BCAS3: variants seen among roughly 807,000 people sequenced by gnomAD.
The protein encoded by BCAS3 is BCAS4/BCAS3 fusion.
BCAS3 carries 53 observed loss-of-function variants against 116.1 expected under a neutral mutation model. The observed-to-expected ratio is 0.46, with a 90% CI of 0.37 to 0.57. The LOEUF is 0.57. Among genes scored for constraint, BCAS3 ranks in the 20% least tolerant of loss-of-function variants. The pLI is 0.00. For synonymous variants in BCAS3, 391 were observed against 408.2 expected, an observed-to-expected ratio of 0.96 and a Z score of 0.51; for missense variants, 917 against 1,165.4, an observed-to-expected ratio of 0.79 and a Z score of 3.10.
intron 7 of BCAS3, chr17:60,811,080 C>A: frequency 1.6e-6 from 1 of 632,436 alleles, no homozygotes; most frequent in South Asian, 1.5e-5. Flanking sequence ...CAGTCCAGTT[C>A]TTGGATATTG....
At chr17:60,844,865 A>G (rs1405027574) in intron 7 of BCAS3, among the ~76,000 whole-genome samples, 1 of 152,214 alleles carries the variant, frequency 6.6e-6, no homozygotes, top group Non-Finnish European at 1.5e-5. Flanking sequence ...ATGAGTAAAA[A>G]AGTTAATAAA....
chr17:61,240,301 T>A (rs1195985865), intron 22 of BCAS3, among the ~76,000 whole-genome samples: 1 of 152,204 alleles, frequency 6.6e-6, no homozygotes, highest in Non-Finnish European at 1.5e-5. Flanking sequence ...GGCTTTGAAC[T>A]CAGGTTTCTC....
rs1366691947 is a variant in BCAS3 at position 61,140,258 on chromosome 17, C to G, written c.2425+55694C>G. On this transcript the variant is annotated intron_variant, in intron 22 of 23. Coordinates refer to ENST00000407086, the MANE Select transcript of BCAS3 (RefSeq NM_017679.5). The surrounding 1 kb of genome is among the most constrained non-coding windows in gnomAD (Gnocchi z 4.2). ...TCTCAAAAAAAAGGAACAGAGTCAC[C>G]AAGACATACACATACTGGACCAATT... Among the ~76,000 whole-genome samples the G allele has an allele frequency of 6.6e-6, 1 of 152,010 alleles. No homozygotes were observed. Among genetic ancestry groups the G allele is most frequent in the African/African-American group, 2.4e-5 (1 of 41,390 alleles).
At chr17:60,755,670 C>T (rs1396923376) in intron 6 of BCAS3, among the ~76,000 whole-genome samples, 1 of 152,038 alleles carries the variant, frequency 6.6e-6, no homozygotes, top group Admixed American at 6.6e-5. Flanking sequence ...TGAGCATTTT[C>T]CTGATATTAG....
chr17:60,843,285 C>T (rs1327602436), intron 7 of BCAS3, among the ~76,000 whole-genome samples: 3 of 150,846 alleles, frequency 2.0e-5, no homozygotes. Context: ...GGCACGATCT[C>T]GGCTCCCTGC....
chr17:61,368,263 A>G lies in BCAS3; in HGVS notation c.2426-64A>G, dbSNP rs2058846807. On this transcript the variant is annotated intron_variant, in intron 22 of 23. Coordinates refer to ENST00000407086, the MANE Select transcript of BCAS3 (RefSeq NM_017679.5). This position sits in a 1 kb window ranked among gnomAD's most constrained non-coding sequence, Gnocchi z 6.0. ...GTATGGAGAGGAGCGGGTGGGAGGT[A>G]GACAAGAATGGCCTGCTCCCTGAAG... The G allele has an allele frequency of 6.7e-7, 1 of 1,503,490 alleles. No homozygotes were observed. Among genetic ancestry groups the G allele is most frequent in the East Asian group, 2.3e-5 (1 of 43,612 alleles). 93.1% of individuals were successfully genotyped at this position (1,503,490 alleles called of 1,614,324 possible).
intron 3 of BCAS3, among the ~76,000 whole-genome samples, chr17:60,686,840 A>T (rs2034130395): frequency 6.6e-6 from 1 of 152,186 alleles, no homozygotes; most frequent in South Asian, 2.1e-4. Flanking sequence ...ATTTATTTTA[A>T]AAAATAATTC....
At chr17:60,872,699 CTATG>C (rs1295266621) in intron 8 of BCAS3, among the ~76,000 whole-genome samples, 1 of 147,490 alleles carries the variant, frequency 6.8e-6, no homozygotes, top group Non-Finnish European at 1.5e-5. Flanking sequence ...CCATATATAT[CTATG>C]TATGTATATA....
At chr17:61,318,111 G>A (rs567990224) in intron 22 of BCAS3, among the ~76,000 whole-genome samples, 99 of 152,176 alleles carry the variant, frequency 6.5e-4, no homozygotes, top group Non-Finnish European at 1.3e-3. Flanking sequence ...GCCGCTCCTC[G>A]GCTCCTCCCC....
In BCAS3 at chr17:61,285,258, T is replaced by TGTGTGTGTGTGTGTGTG. The variant is rs766590925; in HGVS notation, c.2426-83069_2426-83068insGTGTGTGTGTGTGTGTG. ...GTGTGTGTGTGTGTGTGTGTGTGTG[T>TGTGTGTGTGTGTGTGTG]TTCTTGCTAAAATGCAGCAAAGGAA... On this transcript the variant is annotated intron_variant, in intron 22 of 23. Transcript: ENST00000407086. This position sits in a 1 kb window ranked among gnomAD's most constrained non-coding sequence, Gnocchi z 5.4. 4.6e-5 allele frequency among the ~76,000 whole-genome samples: 7 copies of TGTGTGTGTGTGTGTGTG among 151,936 alleles called. No homozygotes were observed. The highest frequency in any genetic ancestry group is 9.7e-5 in the African/African-American group (4 of 41,270).
rs763068707 is a variant in BCAS3, at chr17:61,087,843, T to C, written c.2425+3279T>C. 7.9e-5 allele frequency among the ~76,000 whole-genome samples: 12 copies of C among 152,174 alleles called. No homozygotes were observed. Among genetic ancestry groups the C allele is most frequent in the Non-Finnish European group, 1.8e-4 (12 of 68,024 alleles). ...GTTCTATAACTGCTTGATGAGTAGA[T>C]GTTATTCCCATAACATCTGTCTCAT... On this transcript the variant is annotated intron_variant, in intron 22 of 23. Coordinates refer to ENST00000407086, the MANE Select transcript of BCAS3 (RefSeq NM_017679.5). This position sits in a 1 kb window ranked among gnomAD's most constrained non-coding sequence, Gnocchi z 4.6.
At chr17:60,867,862 C>A (rs1229287359) in intron 7 of BCAS3, among the ~76,000 whole-genome samples, 2 of 151,968 alleles carry the variant, frequency 1.3e-5, no homozygotes, top group African/African-American at 4.8e-5. Flanking sequence ...TAGGGTCAGA[C>A]CTTTTCATAT....
intron 5 of BCAS3, among the ~76,000 whole-genome samples, chr17:60,746,546 T>C (rs937620735): frequency 6.6e-6 from 1 of 152,170 alleles, no homozygotes; most frequent in African/African-American, 2.4e-5. Flanking sequence ...ATGTGTATAT[T>C]TATGTGTATA....
rs540283950 is a variant in BCAS3 at position 60,827,787 on chromosome 17, C to T, written c.476+19711C>T. On this transcript the variant is annotated intron_variant, in intron 7 of 23. Coordinates refer to ENST00000407086, the MANE Select transcript of BCAS3 (RefSeq NM_017679.5). ...CGTGTTTCTATGTAATAAGTCTTCC[C>T]GAGTAGCAGTGCCATCTTCACTTTG... Among the ~76,000 whole-genome samples, 13 of 152,132 alleles carry T rather than the reference C, an allele frequency of 8.5e-5. No individual in the cohort carries two copies. The East Asian group carries it at 1.2e-3, about 14-fold the overall frequency.
chr17:60,914,978 A>G (rs2058704750), intron 12 of BCAS3, among the ~76,000 whole-genome samples: 1 of 152,180 alleles, frequency 6.6e-6, no homozygotes, highest in Non-Finnish European at 1.5e-5. Context: ...TTCAGAGGTC[A>G]ACTATACATG....
chr17:60,910,719 G>A lies in BCAS3; in HGVS notation c.993+17G>A. 6.3e-7 allele frequency: 1 copy of A among 1,593,284 alleles called. No homozygotes were observed. The highest frequency in any genetic ancestry group is 8.5e-7 in the Non-Finnish European group (1 of 1,169,620). On this transcript the variant is annotated intron_variant, in intron 12 of 23. Coordinates refer to ENST00000407086, the MANE Select transcript of BCAS3 (RefSeq NM_017679.5). The stretch of plus-strand genomic sequence containing the variant: ...GAGGGCCAGGTAAGAAGAACTTTTG[G>A]TGCGTACCATGTGTGTTACTTGCAA...
intron 22 of BCAS3, among the ~76,000 whole-genome samples, chr17:61,338,412 T>G (rs2056887587): frequency 6.6e-6 from 1 of 152,092 alleles, no homozygotes; most frequent in African/African-American, 2.4e-5. Context: ...TTTTTTTTTC[T>G]TATATAAAAG....
At position 61,137,724 on chromosome 17, in the gene BCAS3, A is replaced by C. The variant is rs543362994; in HGVS notation, c.2425+53160A>C. Among the ~76,000 whole-genome samples, 246 of 152,358 alleles carry C rather than the reference A, an allele frequency of 1.6e-3. 1 individual carries two copies. Among genetic ancestry groups the C allele is most frequent in the Non-Finnish European group, 3.0e-3 (206 of 68,024 alleles). ...GCAGAGATTGCAGAGCCAAGATTGC[A>C]CCAGTGCATTCCAGCCTGGGTGACA... is the stretch of plus-strand genomic sequence containing the variant. On this transcript the variant is annotated intron_variant, in intron 22 of 23. Transcript: ENST00000407086.
intron 22 of BCAS3, among the ~76,000 whole-genome samples, chr17:61,142,443 G>T (rs1027717469): frequency 6.6e-6 from 1 of 152,178 alleles, no homozygotes; most frequent in Non-Finnish European, 1.5e-5. Flanking sequence ...GTACATGGAA[G>T]CCATCAGCCC....
Sources: allele counts gnomAD v4.1 joint callset (sites outside exome capture counted in the v4.1 genomes callset), GRCh38; gene constraint gnomAD v4.1.1; non-coding constraint Gnocchi (gnomAD v3.1); transcripts MANE v1.5; gene names NCBI Gene and HGNC (gene_info 2026-07-23, HGNC 2026-07-21).